GRID2: variants seen among roughly 807,000 people sequenced by gnomAD.
GRID2 encodes the protein glutamate receptor ionotropic, delta-2.
A neutral mutation model predicts 114.8 loss-of-function variants in GRID2; 33 were observed. The ratio of observed to expected loss-of-function variants is 0.29; its 90% confidence interval spans 0.22 to 0.38. The LOEUF is 0.38. Among genes scored for constraint, GRID2 ranks in the 10% least tolerant of loss-of-function variants. The pLI, the probability that GRID2 is intolerant of heterozygous loss-of-function variation, is 1.00. For missense variants in GRID2, 1,184 were observed against 1,257.7 expected, an observed-to-expected ratio of 0.94 and a Z score of 0.89; for synonymous variants, 505 against 449.9, an observed-to-expected ratio of 1.12 and a Z score of -1.55.
intron 1 of GRID2, among the ~76,000 whole-genome samples, chr4:92,387,171 G>T (rs781492805): frequency 2.0e-5 from 3 of 151,654 alleles, no homozygotes; most frequent in Non-Finnish European, 4.4e-5. Flanking sequence ...TACTCAAAAA[G>T]TAAGGAATTT....
intron 1 of GRID2, among the ~76,000 whole-genome samples, chr4:92,504,779 CT>C (rs1490196045): frequency 6.6e-6 from 1 of 151,744 alleles, no homozygotes; most frequent in Non-Finnish European, 1.5e-5. Flanking sequence ...AAAATCGTAC[CT>C]TTTCTATCTT....
chr4:92,538,111 A>G (rs1472319194), intron 1 of GRID2, among the ~76,000 whole-genome samples: 3 of 152,086 alleles, frequency 2.0e-5, no homozygotes, highest in African/African-American at 7.2e-5. Flanking sequence ...GTGATTATAT[A>G]TAATAACTAT....
intron 9 of GRID2, among the ~76,000 whole-genome samples, chr4:93,401,400 G>A (rs1765870802): frequency 6.6e-6 from 1 of 151,884 alleles, no homozygotes; most frequent in Non-Finnish European, 1.5e-5. Flanking sequence ...ACTTCTATTT[G>A]CAATTGTAAT....
chr4:92,957,371 G>C (rs917663040), intron 2 of GRID2, among the ~76,000 whole-genome samples: 1 of 151,918 alleles, frequency 6.6e-6, no homozygotes, highest in African/African-American at 2.4e-5. Flanking sequence ...TTCTCCAGGT[G>C]GTTGTCTAGT....
At chr4:92,357,206 C>G (rs1728370610) in intron 1 of GRID2, among the ~76,000 whole-genome samples, 1 of 151,684 alleles carries the variant, frequency 6.6e-6, no homozygotes, top group Admixed American at 6.6e-5. Context: ...ATGGTAAGTG[C>G]CTGGGAAGAA....
At chr4:92,771,319 T>C (rs1738535849) in intron 2 of GRID2, among the ~76,000 whole-genome samples, 1 of 152,244 alleles carries the variant, frequency 6.6e-6, no homozygotes, top group Non-Finnish European at 1.5e-5. Context: ...TGTATCACTT[T>C]ACCACTTTAT....
chr4:93,755,141 C>A (rs1732636760), intron 14 of GRID2, among the ~76,000 whole-genome samples: 1 of 152,186 alleles, frequency 6.6e-6, no homozygotes, highest in Admixed American at 6.5e-5. Flanking sequence ...TTTCATTTGT[C>A]TAGCCACATA....
intron 2 of GRID2, among the ~76,000 whole-genome samples, chr4:92,651,321 G>C (rs533567031): frequency 8.5e-4 from 129 of 152,138 alleles, no homozygotes; most frequent in African/African-American, 2.9e-3. Context: ...GCTGCTGGCA[G>C]ATTGCGTATA....
intron 1 of GRID2, among the ~76,000 whole-genome samples, chr4:92,570,915 T>C (rs564933944): frequency 3.9e-5 from 6 of 152,230 alleles, no homozygotes; most frequent in African/African-American, 1.4e-4. Flanking sequence ...TGACTCCCTG[T>C]CTTTGTATTT....
intron 2 of GRID2, among the ~76,000 whole-genome samples, chr4:92,710,925 G>GTT (rs142363876): frequency 6.8e-6 from 1 of 146,174 alleles, no homozygotes; most frequent in East Asian, 2.0e-4. Flanking sequence ...CAGATTCAGT[G>GTT]TTTTTTTTTT....
At chr4:92,673,949 A>C (rs1354478464) in intron 2 of GRID2, among the ~76,000 whole-genome samples, 2 of 152,210 alleles carry the variant, frequency 1.3e-5, no homozygotes, top group Non-Finnish European at 2.9e-5. Flanking sequence ...CATTGTGCAC[A>C]TGTACCCTAG....
intron 2 of GRID2, among the ~76,000 whole-genome samples, chr4:92,836,165 T>C (rs1382124239): frequency 6.6e-6 from 1 of 152,152 alleles, no homozygotes; most frequent in Non-Finnish European, 1.5e-5. Flanking sequence ...AGTTGAGTAG[T>C]GACAGAGATC....
At chr4:92,404,233 G>A (rs1313256916) in intron 1 of GRID2, among the ~76,000 whole-genome samples, 2 of 152,122 alleles carry the variant, frequency 1.3e-5, no homozygotes, top group Non-Finnish European at 2.9e-5. Context: ...AAGAAATTAA[G>A]AGTTAGGTAA....
chr4:93,300,409 A>C (rs756910075), intron 8 of GRID2, among the ~76,000 whole-genome samples: 38 of 152,260 alleles, frequency 2.5e-4, no homozygotes, highest in Non-Finnish European at 4.3e-4. Flanking sequence ...TCTTAAGTGA[A>C]CTTAGCTTTT....
intron 2 of GRID2, among the ~76,000 whole-genome samples, chr4:92,936,831 A>G (rs1237891031): frequency 6.8e-6 from 1 of 146,588 alleles, no homozygotes; most frequent in Non-Finnish European, 1.5e-5. Flanking sequence ...AAACTTAGCC[A>G]AATATATGTA....
intron 1 of GRID2, among the ~76,000 whole-genome samples, chr4:92,351,298 G>C (rs1728057789): frequency 6.6e-6 from 1 of 151,750 alleles, no homozygotes; most frequent in Admixed American, 6.6e-5. Context: ...TACAAGCAAT[G>C]TATGAATGCT....
intron 14 of GRID2, among the ~76,000 whole-genome samples, chr4:93,719,972 T>C (rs771988700): frequency 6.6e-6 from 1 of 152,202 alleles, no homozygotes; most frequent in African/African-American, 2.4e-5. Flanking sequence ...TCTTAAACTA[T>C]ATGCTCAACT....
intron 2 of GRID2, chr4:92,885,008 G>C: frequency 3.8e-6 from 1 of 261,900 alleles, no homozygotes; most frequent in Non-Finnish European, 7.7e-6. Flanking sequence ...CTGCTGCACA[G>C]TGTTACAGAA....
chr4:93,714,758 C>A (rs1458794705), intron 14 of GRID2, among the ~76,000 whole-genome samples: 1 of 152,066 alleles, frequency 6.6e-6, no homozygotes, highest in Non-Finnish European at 1.5e-5. Context: ...ATGTCCTTTG[C>A]CCACTTTTTA....
Sources: allele counts gnomAD v4.1 joint callset (sites outside exome capture counted in the v4.1 genomes callset), GRCh38; gene constraint gnomAD v4.1.1; transcripts MANE v1.5; gene names NCBI Gene and HGNC (gene_info 2026-07-23, HGNC 2026-07-21).